The following FOXN3 variants were observed in gnomAD, a reference collection of about 807,000 sequenced individuals.
The protein encoded by FOXN3 is forkhead box protein N3.
A neutral mutation model predicts 38.4 loss-of-function variants in FOXN3; 7 were observed. The ratio of observed to expected loss-of-function variants is 0.18; its 90% confidence interval spans 0.10 to 0.34. The LOEUF is 0.34. Ranked by LOEUF, FOXN3 falls within the 10% of genes least tolerant of loss-of-function variation. The pLI is 1.00. For synonymous variants in FOXN3, 230 were observed against 242.2 expected (o/e 0.95, Z 0.47); for missense variants, 456 against 613.4 (o/e 0.74, Z 2.71).
chr14:89,420,808 A>G (rs577381140), upstream of FOXN3, among the ~76,000 whole-genome samples: 36 of 151,514 alleles, frequency 2.4e-4, no homozygotes, highest in Admixed American at 2.0e-3. Context: ...AGCAATTTAT[A>G]TGTGTTAAGG....
chr14:89,441,859 C>G (rs879452065), intron 1 of FOXN3, among the ~76,000 whole-genome samples: 12 of 152,092 alleles, frequency 7.9e-5, no homozygotes, highest in Non-Finnish European at 1.8e-4. Flanking sequence ...AGCATTAACC[C>G]TGGCCTTGAG....
chr14:89,394,404 G>T (rs541544951), intron 2 of FOXN3, among the ~76,000 whole-genome samples: 1 of 151,362 alleles, frequency 6.6e-6, no homozygotes, highest in Non-Finnish European at 1.5e-5. Flanking sequence ...ATGGGGTTTC[G>T]CCATGTTGGC....
intron 3 of FOXN3, among the ~76,000 whole-genome samples, chr14:89,332,320 T>C (rs1018454148): frequency 1.3e-5 from 2 of 152,230 alleles, no homozygotes; most frequent in African/African-American, 4.8e-5. Flanking sequence ...TATATTTTAA[T>C]AACAGACTTC....
intron 1 of FOXN3, among the ~76,000 whole-genome samples, chr14:89,469,448 C>T (rs1006894138): frequency 4.6e-5 from 7 of 152,234 alleles, no homozygotes; most frequent in Non-Finnish European, 1.0e-4. Context: ...ATAAGGAAAG[C>T]CTTGTCTCCA....
rs780937118 is a variant in FOXN3, at chr14:89,162,831, G to T, written c.990C>A (p.Ser330Arg). 1.2e-6 allele frequency: 2 copies of T among 1,611,910 alleles called. No individual in the cohort carries two copies. The highest frequency in any genetic ancestry group is 1.1e-5 in the South Asian group (1 of 91,082). Residue 330 changes from serine to arginine, a missense_variant, in exon 6 of 6, where the codon AGC (serine) becomes AGA (arginine). Ser to Arg is a moderately radical substitution (Grantham distance 110). Coordinates refer to ENST00000557258, the MANE Select transcript of FOXN3 (RefSeq NM_005197.4). The surrounding 1 kb of genome is among the most constrained non-coding windows in gnomAD (Gnocchi z 7.2). ...SSNARSTSPT[S>R]DSISSSSSSA... ...AGGAGGAGGAGGAGGAGATGGAGTC[G>T]CTGGTGGGCGAGGTGCTCCGGGCGT... is the stretch of plus-strand genomic sequence containing the variant.
intron 1 of FOXN3, among the ~76,000 whole-genome samples, chr14:89,425,263 G>A (rs976462511): frequency 6.6e-6 from 1 of 151,992 alleles, no homozygotes; most frequent in South Asian, 2.1e-4. Flanking sequence ...TAGAGACGGG[G>A]TTTCACCATG....
chr14:89,456,020 C>A (rs925245933), intron 1 of FOXN3, among the ~76,000 whole-genome samples: 1 of 151,876 alleles, frequency 6.6e-6, no homozygotes, highest in Non-Finnish European at 1.5e-5. Flanking sequence ...ATAGTGAAAC[C>A]CGTGTCTACT....
At chr14:89,351,923 TA>T (rs1388026781) in intron 2 of FOXN3, among the ~76,000 whole-genome samples, 1 of 152,202 alleles carries the variant, frequency 6.6e-6, no homozygotes, top group African/African-American at 2.4e-5. Flanking sequence ...TTTAAAAGTT[TA>T]AAAAAATCTG....
chr14:89,591,585 G>A (rs563314095), intron 1 of FOXN3, among the ~76,000 whole-genome samples: 71 of 151,814 alleles, frequency 4.7e-4, no homozygotes, highest in African/African-American at 1.6e-3. Flanking sequence ...CGAAATTCAG[G>A]CATCACCAGG....
chr14:89,428,663 C>T (rs1195376588), intron 1 of FOXN3, among the ~76,000 whole-genome samples: 2 of 152,230 alleles, frequency 1.3e-5, no homozygotes, highest in African/African-American at 2.4e-5. Flanking sequence ...AGCTGTCTAA[C>T]AATATGGGTC....
At chr14:89,279,394 G>A (rs1007633664) in intron 4 of FOXN3, among the ~76,000 whole-genome samples, 6 of 152,170 alleles carry the variant, frequency 3.9e-5, no homozygotes, top group Admixed American at 2.0e-4. Flanking sequence ...CCACAGAAAC[G>A]AACAAAAAGA....
intron 1 of FOXN3, among the ~76,000 whole-genome samples, chr14:89,505,847 C>T (rs189610502): frequency 0.14 from 20,874 of 150,142 alleles, 3,259 homozygotes; most frequent in African/African-American, 0.39. Flanking sequence ...TCTGCCCGGC[C>T]ACCCATCATC....
At chr14:89,374,684 T>C (rs1485179219) in intron 2 of FOXN3, among the ~76,000 whole-genome samples, 1 of 151,934 alleles carries the variant, frequency 6.6e-6, no homozygotes, top group Non-Finnish European at 1.5e-5. Flanking sequence ...AAAAGTATAC[T>C]ATTCTTGCCG....
At chr14:89,349,325 C>G (rs1888878386) in intron 3 of FOXN3, among the ~76,000 whole-genome samples, 1 of 152,216 alleles carries the variant, frequency 6.6e-6, no homozygotes, top group Non-Finnish European at 1.5e-5. Context: ...GCTATATGAC[C>G]TCAAGTTGTC....
intron 1 of FOXN3, among the ~76,000 whole-genome samples, chr14:89,544,109 T>G (rs977948779): frequency 6.6e-6 from 1 of 152,048 alleles, no homozygotes; most frequent in Admixed American, 6.6e-5. Flanking sequence ...TTTGTTTTGT[T>G]TTTTGAGACA....
Position 89,362,905 on chromosome 14 carries a change from T to G in FOXN3, c.544-12097A>C, listed in dbSNP as rs566506968. Among the ~76,000 whole-genome samples, 14 of 151,972 alleles carry G rather than the reference T, an allele frequency of 9.2e-5. No individual in the cohort carries two copies. The South Asian group carries it at 2.1e-3, about 23-fold the overall frequency. The stretch of plus-strand genomic sequence containing the variant: ...ACGAAAGGTGGATCGTTGGGCCTGA[T>G]TTTGAAGCAGGTCCCTGAACACCGC... On this transcript the variant is annotated intron_variant, in intron 2 of 5. Transcript: ENST00000557258.
intron 2 of FOXN3, among the ~76,000 whole-genome samples, chr14:89,365,235 G>A (rs957231284): frequency 9.9e-5 from 15 of 151,900 alleles, no homozygotes; most frequent in Admixed American, 2.6e-4. Context: ...CACATCTGCA[G>A]TGTGTCACCT....
At chr14:89,290,344 G>A (rs1200895175) in intron 3 of FOXN3, 7 of 369,012 alleles carry the variant, frequency 1.9e-5, no homozygotes, top group Admixed American at 3.3e-5. Flanking sequence ...CATCTTCCCC[G>A]AGTTAGGTAT....
chr14:89,184,391 C>T (rs1887749488), intron 4 of FOXN3, among the ~76,000 whole-genome samples: 1 of 152,222 alleles, frequency 6.6e-6, no homozygotes, highest in African/African-American at 2.4e-5. Flanking sequence ...GGAAGAAAAG[C>T]ACCCCTGGGG....
Sources: gnomAD v4.1 joint callset for allele counts (sites outside exome capture counted in the v4.1 genomes callset) on GRCh38, gnomAD v4.1.1 for gene constraint, Gnocchi (gnomAD v3.1) non-coding constraint, MANE v1.5 for transcripts, NCBI Gene and HGNC (gene_info 2026-07-23, HGNC 2026-07-21) for gene names.